Variants in MDFIC2 observed in about 807,000 individuals in gnomAD.
The protein encoded by MDFIC2 is MyoD family inhibitor domain containing 2.
At chr3:70,216,044 T>C (rs1017625772) in intron 2 of MDFIC2, among the ~76,000 whole-genome samples, 1 of 152,078 alleles carries the variant, frequency 6.6e-6, no homozygotes, top group Non-Finnish European at 1.5e-5. Context: ...TACAAATAAA[T>C]TAAAATCTAT....
At chr3:70,197,506 T>C (rs1222449102) in intron 3 of MDFIC2, among the ~76,000 whole-genome samples, 2 of 152,202 alleles carry the variant, frequency 1.3e-5, no homozygotes, top group African/African-American at 4.8e-5. Flanking sequence ...TAGCTACCTC[T>C]CTGGAAACCT....
chr3:70,239,932 G>A (rs1225702653), intron 2 of MDFIC2, among the ~76,000 whole-genome samples: 1 of 152,100 alleles, frequency 6.6e-6, no homozygotes, highest in Non-Finnish European at 1.5e-5. Flanking sequence ...TTGTGTGTGT[G>A]TGTGTGTTGT....
At chr3:70,253,576 A>G (rs574342364) in intron 2 of MDFIC2, among the ~76,000 whole-genome samples, 1 of 152,298 alleles carries the variant, frequency 6.6e-6, no homozygotes, top group East Asian at 1.9e-4. Context: ...CAAAATAATT[A>G]GCCAGGTGTG....
intron 3 of MDFIC2, among the ~76,000 whole-genome samples, chr3:70,197,849 G>C (rs1372079736): frequency 6.6e-6 from 1 of 152,088 alleles, no homozygotes; most frequent in South Asian, 2.1e-4. Flanking sequence ...ATGCCTAAAA[G>C]GTTTTAAATC....
intron 2 of MDFIC2, among the ~76,000 whole-genome samples, chr3:70,238,556 G>C (rs1046250116): frequency 6.6e-6 from 1 of 151,882 alleles, no homozygotes; most frequent in Non-Finnish European, 1.5e-5. Context: ...AGGCTGCAAT[G>C]AGCCATGATC....
intron 2 of MDFIC2, among the ~76,000 whole-genome samples, chr3:70,301,392 C>T (rs1440640393): frequency 6.6e-6 from 1 of 152,082 alleles, no homozygotes; most frequent in Non-Finnish European, 1.5e-5. Flanking sequence ...ATTTCAAATA[C>T]AGCTAAAGAG....
At chr3:70,260,388 A>C (rs1701854420) in intron 2 of MDFIC2, among the ~76,000 whole-genome samples, 2 of 152,096 alleles carry the variant, frequency 1.3e-5, no homozygotes, top group South Asian at 4.2e-4. Context: ...AGCTAATTAC[A>C]TCTGCAACAA....
chr3:70,267,437 C>G (rs1701926674), intron 2 of MDFIC2, among the ~76,000 whole-genome samples: 1 of 111,566 alleles, frequency 9.0e-6, no homozygotes, highest in African/African-American at 3.5e-5. Flanking sequence ...GAGTCTCGCT[C>G]TGTCACCCAG....
rs1013634391 is a variant in MDFIC2 at position 70,273,326 on chromosome 3, A to G, written c.88+38560T>C. ...TACTCTAAGGAAAATATGTGTTTAT[A>G]TAGTACTTATCACCTCTTTTTTCTT... On this transcript the variant is annotated intron_variant, in intron 2 of 3. Transcript: ENST00000567252. Among the ~76,000 whole-genome samples, 17 of 152,310 alleles carry G rather than the reference A, an allele frequency of 1.1e-4. No individual in the cohort carries two copies. In the East Asian group the frequency reaches 2.1e-3, roughly 19 times the overall value.
At chr3:70,279,872 A>G (rs919962325) in intron 2 of MDFIC2, among the ~76,000 whole-genome samples, 3 of 152,160 alleles carry the variant, frequency 2.0e-5, no homozygotes, top group African/African-American at 7.2e-5. Flanking sequence ...GCTGTGTCAT[A>G]TCCTGGTTCT....
chr3:70,206,520 G>A, intron 3 of MDFIC2, 49 bp downstream of exon 3: 1 of 397,034 alleles, frequency 2.5e-6, no homozygotes, highest in Non-Finnish European at 4.4e-6. Flanking sequence ...TACAGGGGAT[G>A]GGGGTTGGGA....
chr3:70,266,446 G>T (rs1483585854), intron 2 of MDFIC2, among the ~76,000 whole-genome samples: 1 of 151,698 alleles, frequency 6.6e-6, no homozygotes, highest in African/African-American at 2.4e-5. Context: ...TAGAGACAGG[G>T]TCTCATTTCT....
chr3:70,308,010 T>C (rs1254996445), intron 2 of MDFIC2, among the ~76,000 whole-genome samples: 1 of 152,142 alleles, frequency 6.6e-6, no homozygotes, highest in African/African-American at 2.4e-5. Flanking sequence ...TAGACCACCT[T>C]GGCCCACAGT....
chr3:70,216,314 T>C (rs1280848070), intron 2 of MDFIC2, among the ~76,000 whole-genome samples: 6 of 150,440 alleles, frequency 4.0e-5, no homozygotes, highest in African/African-American at 1.2e-4. Context: ...CATATTCTAA[T>C]TATAATTTAT....
rs1045909101 is a variant in MDFIC2 at position 70,195,484 on chromosome 3, G to A, written c.*1442C>T. On this transcript the variant is annotated 3_prime_UTR_variant, in exon 4 of 4. Transcript: ENST00000567252. ...CAGATGAATAGTTTTCAATGTTTGGGAGAGTTTATTTCAAATTGGAAAAAT... is the reference window on the plus strand; with the variant it reads ...CAGATGAATAGTTTTCAATGTTTGGAAGAGTTTATTTCAAATTGGAAAAAT... 6.6e-6 allele frequency among the ~76,000 whole-genome samples: 1 copy of A among 152,162 alleles called. No homozygotes were observed. Among genetic ancestry groups the A allele is most frequent in the Non-Finnish European group, 1.5e-5 (1 of 68,028 alleles).
intron 2 of MDFIC2, among the ~76,000 whole-genome samples, chr3:70,269,356 C>A (rs886569830): frequency 1.3e-5 from 2 of 152,118 alleles, no homozygotes; most frequent in Non-Finnish European, 2.9e-5. Flanking sequence ...TGAACTGTAA[C>A]CTGTCTGGAT....
At position 70,290,930 on chromosome 3, in the gene MDFIC2, C is replaced by T. The variant is rs1355697016; in HGVS notation, c.88+20956G>A. Among the ~76,000 whole-genome samples, 8 of 152,128 alleles carry T rather than the reference C, an allele frequency of 5.3e-5. No homozygotes were observed. In the East Asian group the frequency reaches 7.8e-4, roughly 15 times the overall value. ...GCCCTGCTTCGGATGGCGCACGGTG[C>T]GCGCACCCACTGACCTGAGCCCACT... On this transcript the variant is annotated intron_variant, in intron 2 of 3. Transcript: ENST00000567252.
intron 2 of MDFIC2, among the ~76,000 whole-genome samples, chr3:70,292,321 A>G (rs1160440439): frequency 6.6e-6 from 1 of 152,182 alleles, no homozygotes; most frequent in Non-Finnish European, 1.5e-5. Context: ...ATCTATTAGA[A>G]TGGAGTCTCT....
At chr3:70,252,445 G>A (rs987629104) in intron 2 of MDFIC2, among the ~76,000 whole-genome samples, 3 of 152,162 alleles carry the variant, frequency 2.0e-5, no homozygotes, top group Admixed American at 6.5e-5. Context: ...AATAACTGTC[G>A]ATGGATTATG....
Sources: allele counts gnomAD v4.1 joint callset (sites outside exome capture counted in the v4.1 genomes callset), GRCh38; gene constraint gnomAD v4.1.1; transcripts MANE v1.5; gene names NCBI Gene and HGNC (gene_info 2026-07-23, HGNC 2026-07-21).